The following HMCN1 variants were observed in gnomAD, a reference collection of about 807,000 sequenced individuals.
HMCN1 encodes the protein hemicentin-1.
HMCN1 carries 321 observed loss-of-function variants against 625.9 expected under a neutral mutation model. The ratio of observed to expected loss-of-function variants is 0.51; its 90% CI spans 0.47 to 0.56. HMCN1 has a LOEUF of 0.56. HMCN1 is among the 20% of genes least tolerant of loss of function. The pLI, the probability that HMCN1 is intolerant of heterozygous loss-of-function variation, is 0.00. For synonymous variants in HMCN1, 2,425 were observed against 2,417.6 expected (o/e 1.00, Z -0.09); for missense variants, 6,588 against 6,887.3 (o/e 0.96, Z 1.54).
At chr1:186,065,169 T>A in intron 48 of HMCN1, 69 bp from the exon 49 acceptor site, 1 of 1,280,420 alleles carries the variant, frequency 7.8e-7, no homozygotes, top group Non-Finnish European at 1.1e-6. Flanking sequence ...AGTGAAAACC[T>A]CCTCTTTCAA....
chr1:186,014,665 C>T (rs929665988), intron 30 of HMCN1, among the ~76,000 whole-genome samples: 11 of 151,842 alleles, frequency 7.2e-5, no homozygotes, highest in African/African-American at 2.2e-4. Context: ...GCAGTCCCCA[C>T]CTCCCCCCCA....
At chr1:185,894,102 T>G (rs1438945821) in intron 4 of HMCN1, among the ~76,000 whole-genome samples, 1 of 151,784 alleles carries the variant, frequency 6.6e-6, no homozygotes, top group Non-Finnish European at 1.5e-5. Flanking sequence ...AACACTGCAC[T>G]CTATCCTGGG....
chr1:185,938,763 A>C (rs1203154950), intron 11 of HMCN1, among the ~76,000 whole-genome samples: 5 of 152,098 alleles, frequency 3.3e-5, no homozygotes, highest in Non-Finnish European at 7.4e-5. Flanking sequence ...TAGCCATACC[A>C]TTTCTACCTG....
chr1:186,050,557 G>A lies in HMCN1; in HGVS notation c.6577+1718G>A, dbSNP rs192516956. Among the ~76,000 whole-genome samples the A allele has an allele frequency of 1.9e-3, 283 of 152,108 alleles. 1 individual carries two copies. Among genetic ancestry groups the A allele is most frequent in the Admixed American group, 5.7e-3 (87 of 15,234 alleles). On this transcript the variant is annotated intron_variant, in intron 42 of 106. Transcript: ENST00000271588. ...TGTTGTTCTCAGAAGAAAACAATGA[G>A]TAAGTTTGATATGGATGAATGGATG...
intron 11 of HMCN1, among the ~76,000 whole-genome samples, chr1:185,934,192 A>C (rs1203390533): frequency 2.0e-5 from 3 of 152,186 alleles, no homozygotes; most frequent in African/African-American, 7.2e-5. Flanking sequence ...TCCCAATTTA[A>C]GTACTGTATT....
At chr1:186,127,378 A>C (rs1169893206) in intron 82 of HMCN1, among the ~76,000 whole-genome samples, 2 of 152,110 alleles carry the variant, frequency 1.3e-5, no homozygotes, top group African/African-American at 4.8e-5. Context: ...TCACCAAAAA[A>C]ATTGAGTACA....
At chr1:185,786,366 T>C (rs954728150) in intron 1 of HMCN1, among the ~76,000 whole-genome samples, 2 of 152,220 alleles carry the variant, frequency 1.3e-5, no homozygotes, top group Non-Finnish European at 2.9e-5. Flanking sequence ...GATTATCCTT[T>C]TCTTCTGTCA....
In HMCN1 at chr1:185,913,298, G is replaced by A. The variant is rs567003923; in HGVS notation, c.900+1518G>A. Among the ~76,000 whole-genome samples the A allele has an allele frequency of 2.0e-5, 3 of 152,216 alleles. No individual in the cohort carries two copies. The South Asian group carries it at 6.2e-4, about 32-fold the overall frequency. ...CCCAGTTCCTTGCACATAATGCCTG[G>A]TATTTATTGAGTGTATTAGATTGAC... On this transcript the variant is annotated intron_variant, in intron 6 of 106. Coordinates refer to ENST00000271588, the MANE Select transcript of HMCN1 (RefSeq NM_031935.3).
rs776278874 is a variant in HMCN1, at chr1:186,057,344, A to G, written c.7255A>G (p.Thr2419Ala). ...EASGIPLPSI[T>A]WFKDGWPVSL... ...TTCTGGAATTCCCCTGCCTTCCATA[A>G]CCTGGTTCAAAGATGGGTGGCCTGT... is the stretch of plus-strand genomic sequence containing the variant. Residue 2419 changes from threonine (T) to alanine (A), a missense_variant, in exon 46 of 107, where the codon ACC (threonine) becomes GCC (alanine). Around this residue, in one of 3 missense-constraint regions of HMCN1, gnomAD observed 4,628 missense variants for 4,853.1 expected, o/e 0.95. Transcript: ENST00000271588. 3.1e-6 allele frequency: 5 copies of G among 1,610,706 alleles called. No individual in the cohort carries two copies. Among genetic ancestry groups the G allele is most frequent in the East Asian group, 4.5e-5 (2 of 44,786 alleles).
chr1:185,921,739 C>T (rs1408043898), intron 6 of HMCN1, among the ~76,000 whole-genome samples: 2 of 152,144 alleles, frequency 1.3e-5, no homozygotes, highest in Admixed American at 6.5e-5. Flanking sequence ...TAATGGTGAA[C>T]TCTTGTTCAT....
chr1:186,011,362 C>G (rs1653990684), intron 30 of HMCN1, among the ~76,000 whole-genome samples: 1 of 152,130 alleles, frequency 6.6e-6, no homozygotes, highest in Non-Finnish European at 1.5e-5. Context: ...ATTTTTAATG[C>G]GATTTTACCT....
chr1:185,893,829 C>T (rs1420612450), intron 4 of HMCN1, among the ~76,000 whole-genome samples: 1 of 152,108 alleles, frequency 6.6e-6, no homozygotes, highest in Non-Finnish European at 1.5e-5. Flanking sequence ...AAGCATACAG[C>T]TTAATACATT....
At chr1:185,823,647 G>C (rs972386686) in intron 1 of HMCN1, among the ~76,000 whole-genome samples, 2 of 152,096 alleles carry the variant, frequency 1.3e-5, no homozygotes, top group Admixed American at 6.6e-5. Flanking sequence ...GCTCCACTGA[G>C]CTGTTCACAT....
chr1:185,743,338 G>T (rs1340648598), intron 1 of HMCN1, among the ~76,000 whole-genome samples: 1 of 152,122 alleles, frequency 6.6e-6, no homozygotes, highest in Non-Finnish European at 1.5e-5. Context: ...TTTGCTAATT[G>T]TGCCTTTTTG....
At chr1:185,812,146 ATT>A (rs139918904) in intron 1 of HMCN1, among the ~76,000 whole-genome samples, 1 of 149,886 alleles carries the variant, frequency 6.7e-6, no homozygotes, top group Non-Finnish European at 1.5e-5. Context: ...TATGTTGTTG[ATT>A]TTTTTTTTAG....
chr1:186,015,941 G>C lies in HMCN1; in HGVS notation c.4910-17G>C. On this transcript the variant is annotated splice_polypyrimidine_tract_variant and intron_variant, in intron 31 of 106. Coordinates refer to ENST00000271588, the MANE Select transcript of HMCN1 (RefSeq NM_031935.3). ...CACACAAATAATTGCCTGAAATATT[G>C]CTATGTTTCTCCCTAGTTCCTCCAA... The C allele has an allele frequency of 6.2e-7, 1 of 1,608,004 alleles. No individual in the cohort carries two copies. The highest frequency in any genetic ancestry group is 8.5e-7 in the Non-Finnish European group (1 of 1,174,766).
chr1:185,888,630 G>T (rs534853933), intron 4 of HMCN1, among the ~76,000 whole-genome samples: 1 of 147,076 alleles, frequency 6.8e-6, no homozygotes, highest in Non-Finnish European at 1.5e-5. Context: ...GATATGCGGC[G>T]TTATTTCTGA....
intron 4 of HMCN1, among the ~76,000 whole-genome samples, chr1:185,905,644 CATA>C (rs991812662): frequency 3.3e-5 from 5 of 151,772 alleles, no homozygotes; most frequent in African/African-American, 4.8e-5. Context: ...TCTTATCATT[CATA>C]ATAATGTGTG....
At chr1:186,115,624 A>T (rs1661098743) in intron 75 of HMCN1, among the ~76,000 whole-genome samples, 1 of 152,136 alleles carries the variant, frequency 6.6e-6, no homozygotes, top group African/African-American at 2.4e-5. Flanking sequence ...AACCCTGTGG[A>T]TGAATGTCAG....
Sources: gnomAD v4.1 joint callset for allele counts (sites outside exome capture counted in the v4.1 genomes callset) on GRCh38, gnomAD v4.1.1 for gene constraint, gnomAD v4.1.1 regional missense constraint, MANE v1.5 for transcripts, NCBI Gene and HGNC (gene_info 2026-07-23, HGNC 2026-07-21) for gene names.